Variants in MRPL9 observed in about 807,000 individuals in gnomAD.
MRPL9 encodes the protein mitochondrial ribosomal protein L9.
A neutral mutation model predicts 27.6 loss-of-function variants in MRPL9; 25 were observed. That is an observed-to-expected ratio of 0.91 (90% CI 0.66 to 1.27). The LOEUF (loss-of-function observed/expected upper bound fraction) is 1.27, where lower values mean the gene tolerates loss of function less well. MRPL9 is among the 50% of genes most tolerant of loss of function. The probability of loss-of-function intolerance (pLI) is 0.00; values close to 1 mark genes in which losing one functional copy is unlikely to be tolerated. For missense variants in MRPL9, 362 were observed against 338.0 expected, an observed-to-expected ratio of 1.07 and a Z score of -0.56; for synonymous variants, 154 against 139.0, an observed-to-expected ratio of 1.11 and a Z score of -0.76.
In MRPL9 at chr1:151,762,446, C is replaced by T. The variant is rs371659600; in HGVS notation, c.365G>A (p.Arg122Gln). 2,268 of 1,614,138 alleles carry T rather than the reference C, an allele frequency of 1.4e-3. 54 individuals carry two copies. In the South Asian group the frequency reaches 0.023, roughly 17 times the overall value. The change falls in exon 3 of 7, where the codon CGA becomes CAA. Residue 122 changes from arginine (R) to glutamine (Q), a missense_variant. Transcript: ENST00000368830. ...TACAGCCAGTCCCTGAGGAAGGAGTCGATTCCGGCCTAAAGATTTCTTCAC... is the reference window on the plus strand; with the variant it reads ...TACAGCCAGTCCCTGAGGAAGGAGTTGATTCCGGCCTAAAGATTTCTTCAC... ...VSVKKSLGRN[R>Q]LLPQGLAVYA...
rs763103775 is a variant in MRPL9 at position 151,762,520 on chromosome 1, C to G, written c.311-20G>C. 8.1e-6 allele frequency: 13 copies of G among 1,612,958 alleles called. No individual in the cohort carries two copies. In the East Asian group the frequency reaches 2.9e-4, roughly 36 times the overall value. On this transcript the variant is annotated intron_variant, in intron 2 of 6. Transcript: ENST00000368830. ...CAACATCTGTCAATTAGAACAGAGA[C>G]AGGGGAATTAGAACCATCTAGGAGT...
chr1:151,762,630 T>A (rs1648150762), intron 2 of MRPL9, 130 bp from the exon 3 acceptor site: 3 of 932,114 alleles, frequency 3.2e-6, no homozygotes, highest in Non-Finnish European at 3.2e-6. Context: ...TAATTCATAT[T>A]CACTAGGAAC....
chr1:151,761,367 T>C lies in MRPL9; in HGVS notation c.588+84A>G, dbSNP rs1648071137. Reference sequence around the variant, plus strand: ...ACAACTGGATGATCACACCCCTTCCTAACAAAGGGATCAATCCCAGGCCTC... The same window carrying C: ...ACAACTGGATGATCACACCCCTTCCCAACAAAGGGATCAATCCCAGGCCTC... On this transcript the variant is annotated intron_variant, in intron 5 of 6. Coordinates refer to ENST00000368830, the MANE Select transcript of MRPL9 (RefSeq NM_031420.4). The C allele has an allele frequency of 3.1e-6, 3 of 953,328 alleles. No individual in the cohort carries two copies. The Admixed American group carries it at 5.3e-5, about 17-fold the overall frequency. The allele number at this position is 953,328 out of a possible 1,614,324, so 59.1% of individuals were successfully genotyped here.
intron 3 of MRPL9, 37 bp downstream of exon 3, chr1:151,762,339 A>AT: frequency 6.2e-7 from 1 of 1,611,816 alleles, no homozygotes; most frequent in Non-Finnish European, 8.5e-7. Flanking sequence ...AAGAAGTTTT[A>AT]TCTCCCCAAG....
chr1:151,762,647 T>A, intron 2 of MRPL9, 147 bp from the exon 3 acceptor site: 1 of 804,058 alleles, frequency 1.2e-6, no homozygotes, highest in Non-Finnish European at 1.9e-6. Context: ...GAACAAGATT[T>A]AAGAGACTGC....
chr1:151,761,978 C>A, intron 4 of MRPL9, 127 bp downstream of exon 4: 1 of 934,638 alleles, frequency 1.1e-6, no homozygotes, highest in South Asian at 1.4e-5. Flanking sequence ...TGTGGGGCAG[C>A]CACAACACTT....
chr1:151,763,396 C>T lies in MRPL9; in HGVS notation c.84G>A (p.Glu28=). 6.4e-7 allele frequency: 1 copy of T among 1,566,346 alleles called. No individual in the cohort carries two copies. The highest frequency in any genetic ancestry group is 8.7e-7 in the Non-Finnish European group (1 of 1,154,816). Residue 28 remains glutamate (E), a synonymous_variant, in exon 1 of 7, where the codon GAG becomes GAA. Transcript: ENST00000368830. ...AGRLLRGGVQ[E]LLRPRHEGNA... ...TCCCTTCATGTCGCGGCCGCAGTAG[C>T]TCCTGGACGCCTCCCCGAAGCAGCC...
intron 2 of MRPL9, 41 bp downstream of exon 2, chr1:151,762,949 C>T (rs761865367): frequency 6.3e-7 from 1 of 1,596,598 alleles, no homozygotes; most frequent in South Asian, 1.1e-5. Context: ...TGATGCCAAA[C>T]CGGACCAGCC....
rs1448104510 is a variant in MRPL9, at chr1:151,759,784, C to T, written c.*266G>A. 8.6e-6 allele frequency: 3 copies of T among 350,228 alleles called. No homozygotes were observed. In the South Asian group the frequency reaches 1.8e-4, roughly 21 times the overall value. 21.7% of individuals were successfully genotyped at this position (350,228 alleles called of 1,614,324 possible). ...AACTCCAATGGAGGAAGAAGCTAAA[C>T]AGGTTTTGGATGGTTTCGGTCTACT... is the stretch of plus-strand genomic sequence containing the variant. On this transcript the variant is annotated 3_prime_UTR_variant, in exon 7 of 7. Transcript: ENST00000368830.
In MRPL9 at chr1:151,762,095, T is replaced by C. The variant is rs760141457; in HGVS notation, c.486+10A>G. 1 of 1,613,884 alleles carries C rather than the reference T, an allele frequency of 6.2e-7. No homozygotes were observed. The highest frequency in any genetic ancestry group is 1.1e-5 in the South Asian group (1 of 90,962). On this transcript the variant is annotated intron_variant, in intron 4 of 6. Coordinates refer to ENST00000368830, the MANE Select transcript of MRPL9 (RefSeq NM_031420.4). ...TGTGACAAATAAACACTTTTTATGT[T>C]TCTACTCACCGCCTCACCTGCCTTG...
In MRPL9 at chr1:151,761,898, C is replaced by T. The variant is rs977542064; in HGVS notation, c.486+207G>A. 5.0e-6 allele frequency: 3 copies of T among 605,980 alleles called. No individual in the cohort carries two copies. In the African/African-American group the frequency reaches 5.6e-5, roughly 11 times the overall value. 37.5% of individuals were successfully genotyped at this position (605,980 alleles called of 1,614,324 possible). ...GGGTTCCCTGATTCCCAGATTGGGA[C>T]CTCCCTTGGTACTTTAAGGCACTTC... On this transcript the variant is annotated intron_variant, in intron 4 of 6. Transcript: ENST00000368830.
At position 151,763,308 on chromosome 1, in the gene MRPL9, C is replaced by T. The variant is rs1648204122; in HGVS notation, c.153+19G>A. On this transcript the variant is annotated intron_variant, in intron 1 of 6. Coordinates refer to ENST00000368830, the MANE Select transcript of MRPL9 (RefSeq NM_031420.4). ...AATACTCGAGCGTATCTACCCCCTACCCCAGACTCAGCCCTCACCCGATTT... is the reference window on the plus strand; with the variant it reads ...AATACTCGAGCGTATCTACCCCCTATCCCAGACTCAGCCCTCACCCGATTT... 3 of 1,593,102 alleles carry T rather than the reference C, an allele frequency of 1.9e-6. No homozygotes were observed. Among genetic ancestry groups the T allele is most frequent in the Non-Finnish European group, 2.6e-6 (3 of 1,168,752 alleles).
Position 151,763,321 on chromosome 1 carries a change from C to T in MRPL9, c.153+6G>A. The T allele has an allele frequency of 1.3e-6, 2 of 1,595,190 alleles. No individual in the cohort carries two copies. The highest frequency in any genetic ancestry group is 1.7e-6 in the Non-Finnish European group (2 of 1,169,928). On this transcript the variant is annotated splice_donor_region_variant and intron_variant, in intron 1 of 6. Coordinates refer to ENST00000368830, the MANE Select transcript of MRPL9 (RefSeq NM_031420.4). Reference sequence around the variant, plus strand: ...ATCTACCCCCTACCCCAGACTCAGCCCTCACCCGATTTTGAGAAAGGCTGA... The same window carrying T: ...ATCTACCCCCTACCCCAGACTCAGCTCTCACCCGATTTTGAGAAAGGCTGA...
intron 2 of MRPL9, 105 bp from the exon 3 acceptor site, chr1:151,762,605 T>A: frequency 8.2e-7 from 1 of 1,214,144 alleles, no homozygotes; most frequent in Non-Finnish European, 1.1e-6. Context: ...TGCTTATTTT[T>A]CCTAAAAGAA....
chr1:151,762,106 G>A lies in MRPL9; in HGVS notation c.485C>T (p.Ala162Val), dbSNP rs756233249. 1.6e-5 allele frequency: 26 copies of A among 1,613,978 alleles called. No homozygotes were observed. In the African/African-American group the frequency reaches 2.3e-4, roughly 14 times the overall value. ...AACACTTTTTATGTTTCTACTCACC[G>A]CCTCACCTGCCTTGGTCTGGATCTT... ...LEKIQTKAGE[A>V]TVKFLKSCRL... Residue 162 changes from alanine to valine, a missense_variant and splice_region_variant, in exon 4 of 7, where the codon GCG becomes GTG. Physicochemically the swap from Ala to Val is moderately conservative, Grantham distance 64. Coordinates refer to ENST00000368830, the MANE Select transcript of MRPL9 (RefSeq NM_031420.4).
rs1553276958 is a variant in MRPL9, at chr1:151,760,921, A to AAAAAAAAAAT, written c.589-23_589-22insATTTTTTTTT. The AAAAAAAAAAT allele has an allele frequency of 9.7e-6, 15 of 1,541,210 alleles. No homozygotes were observed. The African/African-American group carries it at 1.7e-4, about 18-fold the overall frequency. ...CAAGCTGCAAAAAAAAAAAAAAAAA[A>AAAAAAAAAAT]AAAAATCTCAGCTCAAATGAACTCT... is the stretch of plus-strand genomic sequence containing the variant. On this transcript the variant is annotated intron_variant, in intron 5 of 6. Transcript: ENST00000368830.
Position 151,760,036 on chromosome 1 carries a change from G to A in MRPL9, c.*14C>T, listed in dbSNP as rs765280171. Reference sequence around the variant, plus strand: ...CTCCCGATTCTGCTTTGCTGCCTTGGAGGGAGAGTAGATTTAGATCTGGGG... The same window carrying A: ...CTCCCGATTCTGCTTTGCTGCCTTGAAGGGAGAGTAGATTTAGATCTGGGG... On this transcript the variant is annotated 3_prime_UTR_variant, in exon 7 of 7. Coordinates refer to ENST00000368830, the MANE Select transcript of MRPL9 (RefSeq NM_031420.4). 1 of 1,612,598 alleles carries A rather than the reference G, an allele frequency of 6.2e-7. No homozygotes were observed. The highest frequency in any genetic ancestry group is 8.5e-7 in the Non-Finnish European group (1 of 1,179,006).
rs750647154 is a variant in MRPL9 at position 151,760,157 on chromosome 1, C to T, written c.697G>A (p.Val233Met). The T allele has an allele frequency of 3.7e-6, 6 of 1,614,168 alleles. No homozygotes were observed. The highest frequency in any genetic ancestry group is 3.3e-5 in the Admixed American group (2 of 60,018). ...TCAAAGTTCACGACAGACATAGGCACTCTCACAGTATCAAGCCCATTTACC... is the reference window on the plus strand; with the variant it reads ...TCAAAGTTCACGACAGACATAGGCATTCTCACAGTATCAAGCCCATTTACC... ...VTVNGLDTVR[V>M]PMSVVNFEKP... Residue 233 changes from valine to methionine, a missense_variant, in exon 7 of 7, where the codon GTG becomes ATG. Physicochemically the swap from Val to Met is conservative, Grantham distance 21. Transcript: ENST00000368830.
Position 151,759,984 on chromosome 1 carries a change from G to C in MRPL9, c.*66C>G. The C allele has an allele frequency of 6.3e-7, 1 of 1,581,458 alleles. No homozygotes were observed. Among genetic ancestry groups the C allele is most frequent in the Non-Finnish European group, 8.6e-7 (1 of 1,163,194 alleles). ...TTGGTCAGAGCTGGGAGTGAGATCA[G>C]GGTGCTTGCACATTTCTGCTCCACT... On this transcript the variant is annotated 3_prime_UTR_variant, in exon 7 of 7. Coordinates refer to ENST00000368830, the MANE Select transcript of MRPL9 (RefSeq NM_031420.4).
Sources: gnomAD v4.1 joint callset for allele counts on GRCh38, gnomAD v4.1.1 for gene constraint, MANE v1.5 for transcripts, NCBI Gene and HGNC (gene_info 2026-07-23, HGNC 2026-07-21) for gene names.